Variants in KCNB2 observed in about 807,000 individuals in gnomAD.
KCNB2 encodes the protein delayed rectifier potassium channel protein.
In KCNB2, 15 loss-of-function variants were observed where a neutral mutation model predicts 61.5. The ratio of observed to expected loss-of-function variants is 0.24; its 90% confidence interval spans 0.16 to 0.38. KCNB2 has a LOEUF of 0.38. Among genes scored for constraint, KCNB2 ranks in the 10% least tolerant of loss-of-function variants. The pLI is 1.00. For synonymous variants in KCNB2, 457 were observed against 446.0 expected, an observed-to-expected ratio of 1.02 and a Z score of -0.31; for missense variants, 828 against 1,125.2, an observed-to-expected ratio of 0.74 and a Z score of 3.78.
Position 72,739,388 on chromosome 8 carries a change from G to A in KCNB2, c.579+171075G>A, listed in dbSNP as rs376506003. Among the ~76,000 whole-genome samples the A allele has an allele frequency of 2.0e-5, 3 of 152,166 alleles. No homozygotes were observed. In the East Asian group the frequency reaches 5.8e-4, roughly 29 times the overall value. ...AACTATGGTGACAGGGGAATTAGAC[G>A]AGTAGAGAAGTTTTTCAATACTTTG... On this transcript the variant is annotated intron_variant, in intron 2 of 2. Transcript: ENST00000523207.
intron 2 of KCNB2, among the ~76,000 whole-genome samples, chr8:72,694,391 T>C (rs1806985748): frequency 6.6e-6 from 1 of 152,180 alleles, no homozygotes; most frequent in Non-Finnish European, 1.5e-5. Flanking sequence ...ACCGTGTGCA[T>C]TTGTCCTGTT....
At chr8:72,907,174 T>A (rs1030346444) in intron 2 of KCNB2, among the ~76,000 whole-genome samples, 8 of 152,034 alleles carry the variant, frequency 5.3e-5, no homozygotes, top group African/African-American at 1.4e-4. Flanking sequence ...CTGGCCAACA[T>A]GGTGAAACCC....
At chr8:72,868,067 T>A (rs76931241) in intron 2 of KCNB2, among the ~76,000 whole-genome samples, 66 of 146,116 alleles carry the variant, frequency 4.5e-4, no homozygotes, top group South Asian at 2.4e-3. Flanking sequence ...TTTTTTTTTT[T>A]ATTATTTATT....
intron 2 of KCNB2, among the ~76,000 whole-genome samples, chr8:72,927,756 G>T (rs574899386): frequency 1.1e-4 from 16 of 152,296 alleles, no homozygotes; most frequent in African/African-American, 3.8e-4. Context: ...ACCCTTATAT[G>T]CAGCAGTCCT....
chr8:72,699,328 A>G (rs965446309), intron 2 of KCNB2, among the ~76,000 whole-genome samples: 1 of 151,946 alleles, frequency 6.6e-6, no homozygotes, highest in African/African-American at 2.4e-5. Flanking sequence ...TTTGATTTGC[A>G]TTTCTCTAAT....
rs563810625 is a variant in KCNB2, at chr8:72,618,209, G to A, written c.579+49896G>A. ...TAAAAAAAAAAATCCCAAAGAACTA[G>A]CATCCCAAATGATTCAGGTTTCTGT... On this transcript the variant is annotated intron_variant, in intron 2 of 2. Transcript: ENST00000523207. 4.6e-5 allele frequency among the ~76,000 whole-genome samples: 7 copies of A among 152,080 alleles called. No homozygotes were observed. In the East Asian group the frequency reaches 1.4e-3, roughly 29 times the overall value.
intron 2 of KCNB2, among the ~76,000 whole-genome samples, chr8:72,638,056 T>C (rs1278746371): frequency 6.6e-6 from 1 of 152,120 alleles, no homozygotes; most frequent in Non-Finnish European, 1.5e-5. Flanking sequence ...TCTCCTATTA[T>C]TGTAAATATT....
intron 2 of KCNB2, among the ~76,000 whole-genome samples, chr8:72,629,866 G>A (rs563168870): frequency 1.1e-4 from 17 of 152,280 alleles, no homozygotes; most frequent in African/African-American, 4.1e-4. Flanking sequence ...ACACAGGTAA[G>A]GAAACTGAGC....
chr8:72,583,039 A>G (rs1449086732), intron 2 of KCNB2, among the ~76,000 whole-genome samples: 1 of 152,150 alleles, frequency 6.6e-6, no homozygotes, highest in Non-Finnish European at 1.5e-5. Flanking sequence ...CTTTCATTGT[A>G]ATCCAAAAAA....
chr8:72,834,118 T>G (rs569053048), intron 2 of KCNB2, among the ~76,000 whole-genome samples: 3 of 152,318 alleles, frequency 2.0e-5, no homozygotes, highest in South Asian at 4.1e-4. Context: ...ATCTACTTAT[T>G]TATGCATCTG....
chr8:72,781,857 A>G (rs1808761923), intron 2 of KCNB2, among the ~76,000 whole-genome samples: 1 of 152,198 alleles, frequency 6.6e-6, no homozygotes, highest in Non-Finnish European at 1.5e-5. Context: ...AAACTAACAC[A>G]TGAACAGAAA....
At chr8:72,915,641 C>T (rs918920338) in intron 2 of KCNB2, among the ~76,000 whole-genome samples, 2 of 152,038 alleles carry the variant, frequency 1.3e-5, no homozygotes, top group Admixed American at 6.6e-5. Context: ...AATCTGCTGC[C>T]GGGCACGGTG....
At chr8:72,672,437 A>G (rs538515734) in intron 2 of KCNB2, among the ~76,000 whole-genome samples, 1 of 152,284 alleles carries the variant, frequency 6.6e-6, no homozygotes, top group South Asian at 2.1e-4. Context: ...CACATCCTGA[A>G]TTATGGATGG....
At chr8:72,665,183 G>A (rs2128987642) in intron 2 of KCNB2, among the ~76,000 whole-genome samples, 1 of 152,310 alleles carries the variant, frequency 6.6e-6, no homozygotes, top group East Asian at 1.9e-4. Context: ...ATAGGATGAA[G>A]AGGAGAAGAA....
chr8:72,795,708 G>A (rs1809021021), intron 2 of KCNB2, among the ~76,000 whole-genome samples: 1 of 152,154 alleles, frequency 6.6e-6, no homozygotes, highest in Non-Finnish European at 1.5e-5. Context: ...AGTGTGAACT[G>A]GGAAAGGGAG....
intron 2 of KCNB2, among the ~76,000 whole-genome samples, chr8:72,678,756 G>T (rs1332768494): frequency 1.3e-5 from 2 of 152,218 alleles, no homozygotes; most frequent in Admixed American, 6.5e-5. Context: ...ATAAGTATGT[G>T]TTGAGTGAAT....
At chr8:72,889,511 C>T (rs1475836130) in intron 2 of KCNB2, among the ~76,000 whole-genome samples, 3 of 151,948 alleles carry the variant, frequency 2.0e-5, no homozygotes, top group African/African-American at 4.8e-5. Flanking sequence ...AACATGATAA[C>T]ACCCTGACTC....
At chr8:72,791,724 A>G (rs1400838945) in intron 2 of KCNB2, among the ~76,000 whole-genome samples, 3 of 152,160 alleles carry the variant, frequency 2.0e-5, no homozygotes, top group African/African-American at 7.2e-5. Context: ...TGAAATGCCA[A>G]CTGAAAATCA....
At chr8:72,753,841 C>T (rs1196971854) in intron 2 of KCNB2, among the ~76,000 whole-genome samples, 1 of 152,210 alleles carries the variant, frequency 6.6e-6, no homozygotes, top group Non-Finnish European at 1.5e-5. Flanking sequence ...GCCTTAGAAA[C>T]TCTTCCTTTT....
Sources: allele counts gnomAD v4.1 joint callset (sites outside exome capture counted in the v4.1 genomes callset), GRCh38; gene constraint gnomAD v4.1.1; transcripts MANE v1.5; gene names NCBI Gene and HGNC (gene_info 2026-07-23, HGNC 2026-07-21).